Variants in FRYL observed in about 807,000 individuals in gnomAD.
FRYL encodes protein furry homolog-like.
FRYL carries 150 observed loss-of-function variants against 351.2 expected under a neutral mutation model. The ratio of observed to expected loss-of-function variants is 0.43; its 90% CI spans 0.37 to 0.49. FRYL has a LOEUF of 0.49. Among genes scored for constraint, FRYL ranks in the 20% least tolerant of loss-of-function variants. FRYL has a pLI of 0.00. For synonymous variants in FRYL, 1,153 were observed against 1,257.1 expected, an observed-to-expected ratio of 0.92 and a Z score of 1.75; for missense variants, 3,036 against 3,619.3, an observed-to-expected ratio of 0.84 and a Z score of 4.13.
chr4:48,626,146 T>G (rs1751759271), intron 4 of FRYL, among the ~76,000 whole-genome samples: 1 of 152,044 alleles, frequency 6.6e-6, no homozygotes. Flanking sequence ...TTTTAAAACA[T>G]TAAAATAACA....
At chr4:48,697,243 T>G (rs373544348) in intron 2 of FRYL, among the ~76,000 whole-genome samples, 1 of 152,236 alleles carries the variant, frequency 6.6e-6, no homozygotes. Context: ...TTCTTTCCAT[T>G]TTTACCTAAA....
At position 48,620,635 on chromosome 4, in the gene FRYL, T is replaced by G; in HGVS notation, c.314+4A>C. The G allele has an allele frequency of 6.2e-7, 1 of 1,610,376 alleles. No homozygotes were observed. The highest frequency in any genetic ancestry group is 8.5e-7 in the Non-Finnish European group (1 of 1,177,376). ...GGTGAAACAGTGTAAAATAAAGCAC[T>G]TACCCCTTAGACTTTGTGCTAGACC... On this transcript the variant is annotated splice_donor_region_variant and intron_variant, in intron 6 of 63. Coordinates refer to ENST00000358350, the MANE Select transcript of FRYL (RefSeq NM_015030.2).
chr4:48,536,277 T>C (rs1302757467), intron 47 of FRYL, among the ~76,000 whole-genome samples: 1 of 152,130 alleles, frequency 6.6e-6, no homozygotes, highest in East Asian at 1.9e-4. Flanking sequence ...CCGGGGTATC[T>C]CAGTAGAGCA....
rs778988019 is a variant in FRYL, at chr4:48,589,809, C to T, written c.1576G>A (p.Val526Ile). Residue 526 changes from valine (V) to isoleucine (I), a missense_variant, in exon 18 of 64, where the codon GTT becomes ATT. By Grantham distance (29) the Val-to-Ile change is conservative. Transcript: ENST00000358350. ...DSILRHLDKE[V>I]GRPMCMTSVQ... ...CTGGTCATACACATTGGTCTCCCAA[C>T]TTCTTTGTCCAAATGTCTGAGGATG... 6.2e-7 allele frequency: 1 copy of T among 1,613,774 alleles called. No homozygotes were observed. Among genetic ancestry groups the T allele is most frequent in the Non-Finnish European group, 8.5e-7 (1 of 1,179,692 alleles).
rs1226492542 is a variant in FRYL, at chr4:48,671,858, C to CAAAAAAAAAAAAAAAAAAAAAAAAAA, written c.-81+12814_-81+12815insTTTTTTTTTTTTTTTTTTTTTTTTTT. Reference sequence around the variant, plus strand: ...AGAGAGAGAGACTCCGTCTCAAAAACAAAAAAAAAAAAAACAAAAAAAAAA... The same window carrying CAAAAAAAAAAAAAAAAAAAAAAAAAA: ...AGAGAGAGAGACTCCGTCTCAAAAACAAAAAAAAAAAAAAAAAAAAAAAAAAAAAAAAAAAAAAAACAAAAAAAAAA... On this transcript the variant is annotated intron_variant, in intron 3 of 63. Transcript: ENST00000358350. Among the ~76,000 whole-genome samples, 2 of 22,400 alleles carry CAAAAAAAAAAAAAAAAAAAAAAAAAA rather than the reference C, an allele frequency of 8.9e-5. 1 individual carries two copies. The highest frequency in any genetic ancestry group is 3.8e-3 in the East Asian group (2 of 520). 14.7% of individuals were successfully genotyped at this position (22,400 alleles called of 152,430 possible).
intron 1 of FRYL, among the ~76,000 whole-genome samples, chr4:48,731,432 T>C (rs894335781): frequency 1.3e-5 from 2 of 152,152 alleles, no homozygotes; most frequent in African/African-American, 2.4e-5. Context: ...TGGAAAAAAC[T>C]ACTTTAAACT....
chr4:48,551,102 T>C (rs144134246), intron 37 of FRYL, among the ~76,000 whole-genome samples: 68 of 151,546 alleles, frequency 4.5e-4, no homozygotes, highest in African/African-American at 1.5e-3. Flanking sequence ...CACAAAATAC[T>C]AACAAAAGTT....
At chr4:48,779,077 A>G (rs1776344054) in intron 1 of FRYL, among the ~76,000 whole-genome samples, 1 of 151,994 alleles carries the variant, frequency 6.6e-6, no homozygotes, top group Non-Finnish European at 1.5e-5. Flanking sequence ...AATCCACAAA[A>G]ATGCGATTTT....
At chr4:48,776,054 AG>A (rs1775981507) in intron 1 of FRYL, among the ~76,000 whole-genome samples, 1 of 151,394 alleles carries the variant, frequency 6.6e-6, no homozygotes, top group Non-Finnish European at 1.5e-5. Flanking sequence ...AAAAAAAAAA[AG>A]AAAAAGAAAA....
At chr4:48,674,149 T>C (rs1016058781) in intron 3 of FRYL, among the ~76,000 whole-genome samples, 4 of 152,208 alleles carry the variant, frequency 2.6e-5, no homozygotes, top group Admixed American at 2.0e-4. Flanking sequence ...TTAATGTTGA[T>C]TCCATCAGAA....
At chr4:48,681,609 C>T (rs1764618109) in intron 3 of FRYL, among the ~76,000 whole-genome samples, 1 of 152,074 alleles carries the variant, frequency 6.6e-6, no homozygotes, top group African/African-American at 2.4e-5. Flanking sequence ...GGAATGTCAA[C>T]TTTTATAAAA....
Position 48,543,861 on chromosome 4 carries a change from A to G in FRYL, c.5538T>C (p.Ser1846=), listed in dbSNP as rs1344445474. The change falls in exon 44 of 64, where the codon TCT becomes TCC. Residue 1846 remains serine (S), a synonymous_variant. Transcript: ENST00000358350. ...TTTCTACAAGTCTGGAGAGAACATC[A>G]GAAAGTGTAGTTGCAGTGAGAGGCT... ...LKQPLTATTL[S]DVLSRLVETV... is the part of the protein sequence containing the mutation. 1 of 1,613,858 alleles carries G rather than the reference A, an allele frequency of 6.2e-7. No individual in the cohort carries two copies. The highest frequency in any genetic ancestry group is 8.5e-7 in the Non-Finnish European group (1 of 1,179,802).
chr4:48,591,958 CA>C (rs1743347119), intron 16 of FRYL, among the ~76,000 whole-genome samples: 1 of 151,398 alleles, frequency 6.6e-6, no homozygotes, highest in Non-Finnish European at 1.5e-5. Context: ...CTATCTGCAC[CA>C]CTACAATCCA....
At chr4:48,677,703 G>A (rs563313961) in intron 3 of FRYL, among the ~76,000 whole-genome samples, 32 of 152,098 alleles carry the variant, frequency 2.1e-4, no homozygotes, top group Middle Eastern at 3.4e-3. Flanking sequence ...GAGCCACCGC[G>A]TCAGCCCGAA....
chr4:48,499,716 T>A (rs1457432666), intron 63 of FRYL, 36 bp from the exon 64 acceptor site: 2 of 1,598,936 alleles, frequency 1.3e-6, no homozygotes, highest in Admixed American at 1.7e-5. Flanking sequence ...TTCTGAGACT[T>A]AGGCAATAGT....
chr4:48,766,894 G>C (rs774389118), intron 1 of FRYL, among the ~76,000 whole-genome samples: 3 of 150,646 alleles, frequency 2.0e-5, no homozygotes, highest in Non-Finnish European at 4.4e-5. Context: ...TAGATTCACG[G>C]ATTTCCATAG....
rs570985851 is a variant in FRYL at position 48,576,718 on chromosome 4, C to A, written c.2529-496G>T. On this transcript the variant is annotated intron_variant, in intron 23 of 63. Transcript: ENST00000358350. The stretch of plus-strand genomic sequence containing the variant: ...TAAAAATTAAAATATGTTACCAGAT[C>A]ATTTTAACATTATTACTCCTGTGAT... Among the ~76,000 whole-genome samples, 8 of 152,206 alleles carry A rather than the reference C, an allele frequency of 5.3e-5. No individual in the cohort carries two copies. In the South Asian group the frequency reaches 1.7e-3, roughly 32 times the overall value.
At chr4:48,752,354 C>A (rs895213465) in intron 1 of FRYL, among the ~76,000 whole-genome samples, 5 of 113,626 alleles carry the variant, frequency 4.4e-5, no homozygotes, top group African/African-American at 1.6e-4. Context: ...CTCTAATGAA[C>A]CATCTTGACT....
intron 1 of FRYL, among the ~76,000 whole-genome samples, chr4:48,748,554 CAT>C (rs767476982): frequency 6.6e-5 from 10 of 152,156 alleles, no homozygotes; most frequent in Non-Finnish European, 1.2e-4. Context: ...ACGGAAGACA[CAT>C]GTTAACTACA....
Sources: allele counts gnomAD v4.1 joint callset (sites outside exome capture counted in the v4.1 genomes callset), GRCh38; gene constraint gnomAD v4.1.1; transcripts MANE v1.5; gene names NCBI Gene and HGNC (gene_info 2026-07-23, HGNC 2026-07-21).